Variants in ZBTB34 observed in about 807,000 individuals in gnomAD.
The protein encoded by ZBTB34 is zinc finger and BTB domain containing 34, also known as zinc finger and BTB domain-containing protein 34.
A neutral mutation model predicts 33.4 loss-of-function variants in ZBTB34; 1 was observed. The ratio of observed to expected loss-of-function variants is 0.03; its 90% CI spans 0.01 to 0.14. The LOEUF (loss-of-function observed/expected upper bound fraction) is 0.14, where lower values mean the gene tolerates loss of function less well. Ranked by LOEUF, ZBTB34 falls within the 10% of genes least tolerant of loss-of-function variation. The pLI, the probability that ZBTB34 is intolerant of heterozygous loss-of-function variation, is 1.00. For missense variants in ZBTB34, 406 were observed against 657.2 expected, an observed-to-expected ratio of 0.62 and a Z score of 4.18; for synonymous variants, 283 against 253.5, an observed-to-expected ratio of 1.12 and a Z score of -1.11.
Position 126,879,375 on chromosome 9 carries a change from T to C in ZBTB34, c.-10-15T>C. The C allele has an allele frequency of 6.4e-7, 1 of 1,570,538 alleles. No homozygotes were observed. Among genetic ancestry groups the C allele is most frequent in the East Asian group, 2.3e-5 (1 of 44,422 alleles). On this transcript the variant is annotated splice_polypyrimidine_tract_variant and intron_variant, in intron 1 of 1. Coordinates refer to ENST00000319119, the Ensembl canonical transcript of ZBTB34. The surrounding 1 kb of genome is among the most constrained non-coding windows in gnomAD (Gnocchi z 6.4). Reference sequence around the variant, plus strand: ...GGAGTCATTGGTGAATGATGCAAACTCTCTCTCTCCGCAGAGTACGCTTCA... The same window carrying C: ...GGAGTCATTGGTGAATGATGCAAACCCTCTCTCTCCGCAGAGTACGCTTCA...
Position 126,880,396 on chromosome 9 carries a change from C to A in ZBTB34, c.997C>A (p.His333Asn). 6.2e-7 allele frequency: 1 copy of A among 1,613,624 alleles called. No individual in the cohort carries two copies. Among genetic ancestry groups the A allele is most frequent in the Non-Finnish European group, 8.5e-7 (1 of 1,179,826 alleles). Residue 333 changes from histidine to asparagine, a missense_variant, in exon 2 of 2, where the codon CAC (histidine) becomes AAC (asparagine). Physicochemically the swap from His to Asn is moderately conservative, Grantham distance 68 (BLOSUM62 1). Around this residue, in one of 6 missense-constraint regions of ZBTB34, gnomAD observed 123 missense variants for 140.4 expected, o/e 0.88. Coordinates refer to ENST00000319119, the Ensembl canonical transcript of ZBTB34. This position sits in a 1 kb window ranked among gnomAD's most constrained non-coding sequence, Gnocchi z 6.7. Reference sequence around the variant, plus strand: ...CCGCCAGAAGCGGGCTTTGTCTGTCCACCTGCACAGTGACCTGCAGGGCCT... The same window carrying A: ...CCGCCAGAAGCGGGCTTTGTCTGTCAACCTGCACAGTGACCTGCAGGGCCT...
chr9:126,868,902 C>G (rs557966553), intron 1 of ZBTB34, among the ~76,000 whole-genome samples: 1 of 152,050 alleles, frequency 6.6e-6, no homozygotes, highest in African/African-American at 2.4e-5. Context: ...AGCCAGGGTC[C>G]GGGGCTCTGA....
At chr9:126,877,731 G>A (rs528633557) in intron 1 of ZBTB34, among the ~76,000 whole-genome samples, 3 of 152,308 alleles carry the variant, frequency 2.0e-5, no homozygotes, top group South Asian at 2.1e-4. Flanking sequence ...TTGGCAGAGC[G>A]CGGTGGCTCA....
intron 1 of ZBTB34, among the ~76,000 whole-genome samples, chr9:126,863,423 T>C (rs1324798838): frequency 1.3e-5 from 2 of 152,236 alleles, no homozygotes; most frequent in Non-Finnish European, 2.9e-5. Flanking sequence ...TTTGGATTTC[T>C]GCACCGCTGT....
chr9:126,868,093 A>G (rs898359979), intron 1 of ZBTB34, among the ~76,000 whole-genome samples: 3 of 152,114 alleles, frequency 2.0e-5, no homozygotes, highest in African/African-American at 7.2e-5. Flanking sequence ...TGAATGTGAC[A>G]TGATGGTCGC....
rs1329444556 is a variant in ZBTB34, at chr9:126,880,416, G to A, written c.1017G>A (p.Gln339=). The change falls in exon 2 of 2, where the codon CAG becomes CAA. Residue 339 remains glutamine (Q), a synonymous_variant. Transcript: ENST00000319119. This position sits in a 1 kb window ranked among gnomAD's most constrained non-coding sequence, Gnocchi z 6.7. ...CTGTCCACCTGCACAGTGACCTGCAGGGCCTGGTGCAGGGCTCTGACAGTG... is the reference window on the plus strand; with the variant it reads ...CTGTCCACCTGCACAGTGACCTGCAAGGCCTGGTGCAGGGCTCTGACAGTG... The A allele has an allele frequency of 6.2e-7, 1 of 1,613,582 alleles. No homozygotes were observed. Among genetic ancestry groups the A allele is most frequent in the Admixed American group, 1.7e-5 (1 of 59,978 alleles).
intron 1 of ZBTB34, among the ~76,000 whole-genome samples, chr9:126,869,099 G>A (rs989838679): frequency 2.6e-5 from 4 of 152,100 alleles, no homozygotes; most frequent in Non-Finnish European, 4.4e-5. Flanking sequence ...TGGTCACAGC[G>A]AATATGCAGA....
chr9:126,862,420 G>A (rs1655873638), intron 1 of ZBTB34, among the ~76,000 whole-genome samples: 1 of 152,102 alleles, frequency 6.6e-6, no homozygotes, highest in African/African-American at 2.4e-5. Context: ...GTGGCCTCTT[G>A]CCTGCCACGG....
chr9:126,863,210 A>G (rs989191333), intron 1 of ZBTB34, among the ~76,000 whole-genome samples: 4 of 152,220 alleles, frequency 2.6e-5, no homozygotes, highest in Non-Finnish European at 5.9e-5. Context: ...CAATTTATCT[A>G]ATGCCTCTGA....
intron 1 of ZBTB34, among the ~76,000 whole-genome samples, chr9:126,864,306 C>G (rs1203375805): frequency 6.6e-6 from 1 of 152,106 alleles, no homozygotes; most frequent in African/African-American, 2.4e-5. Flanking sequence ...CTCTTAGTGT[C>G]GTCTAAGAGC....
intron 1 of ZBTB34, among the ~76,000 whole-genome samples, chr9:126,869,075 C>T (rs1160730764): frequency 1.3e-5 from 2 of 152,110 alleles, no homozygotes; most frequent in Non-Finnish European, 2.9e-5. Flanking sequence ...TAAACTCCTA[C>T]AGCTGAAATT....
chr9:126,874,208 A>ATT (rs759143140), intron 1 of ZBTB34, among the ~76,000 whole-genome samples: 5 of 135,204 alleles, frequency 3.7e-5, no homozygotes, highest in Non-Finnish European at 8.1e-5. Context: ...TGCCCGGCTA[A>ATT]TTTTTTTTTT....
At chr9:126,881,338 C>T (rs922966184) in exon 2 of ZBTB34, 1 of 165,454 alleles carries the variant, frequency 6.0e-6, no homozygotes, top group Non-Finnish European at 1.5e-5. Context: ...ATTTAAAATT[C>T]CTTTTAGGGG....
At chr9:126,884,455 T>TTTGTTG (rs145057369) in exon 2 of ZBTB34, 2 of 166,730 alleles carry the variant, frequency 1.2e-5, no homozygotes, top group South Asian at 4.1e-4. Context: ...AGTTGTGTTT[T>TTTGTTG]TTGTTGTTGT....
rs117054670 is a variant in ZBTB34 at position 126,866,951 on chromosome 9, C to T, written c.-11+6212C>T. On this transcript the variant is annotated intron_variant, in intron 1 of 1. Coordinates refer to ENST00000319119, the Ensembl canonical transcript of ZBTB34. ...AACGTAATATAATTCCTTTACAAAA[C>T]GTACATGAAGGGAATGACATATATG... 6.5e-3 allele frequency among the ~76,000 whole-genome samples: 985 copies of T among 152,232 alleles called. 39 individuals carry two copies. The East Asian group carries it at 0.1, about 16-fold the overall frequency.
intron 1 of ZBTB34, among the ~76,000 whole-genome samples, chr9:126,875,105 G>T (rs534271279): frequency 1.5e-4 from 23 of 152,290 alleles, no homozygotes; most frequent in African/African-American, 5.5e-4. Flanking sequence ...ACTGTTGAGC[G>T]CATGGAATGT....
At chr9:126,871,694 T>C (rs1220206951) in intron 1 of ZBTB34, among the ~76,000 whole-genome samples, 1 of 152,176 alleles carries the variant, frequency 6.6e-6, no homozygotes, top group Non-Finnish European at 1.5e-5. Flanking sequence ...AAATTTTCTC[T>C]GAAAGAATAC....
intron 1 of ZBTB34, among the ~76,000 whole-genome samples, chr9:126,862,288 C>T (rs1418908161): frequency 6.6e-6 from 1 of 152,170 alleles, no homozygotes; most frequent in Non-Finnish European, 1.5e-5. Context: ...TGGGCCGCGG[C>T]TAGTTCCTCA....
At position 126,869,278 on chromosome 9, in the gene ZBTB34, GGTT is replaced by G. The variant is rs989376268; in HGVS notation, c.-11+8545_-11+8547del. Among the ~76,000 whole-genome samples, 24 of 149,782 alleles carry G rather than the reference GGTT, an allele frequency of 1.6e-4. 1 individual carries two copies. Among genetic ancestry groups the G allele is most frequent in the African/African-American group, 5.4e-4 (22 of 40,430 alleles). Reference sequence around the variant, plus strand: ...CAGGTCCAGCTCGCTAGGGATAAGGGGTTGTTGTATAGGGACCTAGATACGCAC... The same window carrying G: ...CAGGTCCAGCTCGCTAGGGATAAGGGGTTGTATAGGGACCTAGATACGCAC... On this transcript the variant is annotated intron_variant, in intron 1 of 1. Coordinates refer to ENST00000319119, the Ensembl canonical transcript of ZBTB34.
Sources: allele counts gnomAD v4.1 joint callset (sites outside exome capture counted in the v4.1 genomes callset), GRCh38; gene constraint gnomAD v4.1.1; regional missense constraint gnomAD v4.1.1; non-coding constraint Gnocchi (gnomAD v3.1); transcripts MANE v1.5; gene names NCBI Gene and HGNC (gene_info 2026-07-23, HGNC 2026-07-21).